KIRREL3: variants seen among roughly 807,000 people sequenced by gnomAD.
The protein encoded by KIRREL3 is kin of IRRE-like protein 3.
KIRREL3 carries 36 observed loss-of-function variants against 89.7 expected under a neutral mutation model. The ratio of observed to expected loss-of-function variants is 0.40; its 90% CI spans 0.31 to 0.53. KIRREL3 has a LOEUF of 0.53. Ranked by LOEUF, KIRREL3 falls within the 20% of genes least tolerant of loss-of-function variation. The probability of loss-of-function intolerance (pLI) is 0.49; values close to 1 mark genes in which losing one functional copy is unlikely to be tolerated. For missense variants in KIRREL3, 864 were observed against 1,056.6 expected, an observed-to-expected ratio of 0.82 and a Z score of 2.53; for synonymous variants, 445 against 441.4, an observed-to-expected ratio of 1.01 and a Z score of -0.10.
intron 1 of KIRREL3, among the ~76,000 whole-genome samples, chr11:126,980,672 T>A (rs1949696693): frequency 6.6e-6 from 1 of 152,148 alleles, no homozygotes; most frequent in Non-Finnish European, 1.5e-5. Flanking sequence ...ACAAGAGAAC[T>A]AATTGGTTAT....
At chr11:126,894,870 G>T (rs1946087282) in intron 1 of KIRREL3, among the ~76,000 whole-genome samples, 1 of 152,182 alleles carries the variant, frequency 6.6e-6, no homozygotes, top group Admixed American at 6.5e-5. Context: ...TGATACTTCT[G>T]CTGAGCTCTG....
chr11:126,947,568 CTGAGT>C (rs1242240149), intron 1 of KIRREL3, among the ~76,000 whole-genome samples: 6 of 152,178 alleles, frequency 3.9e-5, no homozygotes, highest in Non-Finnish European at 7.3e-5. Flanking sequence ...CGAATAGTAA[CTGAGT>C]TGAGTTTTAT....
At chr11:126,446,251 CTT>C (rs1459774877) in intron 9 of KIRREL3, among the ~76,000 whole-genome samples, 1 of 127,028 alleles carries the variant, frequency 7.9e-6, no homozygotes, top group Admixed American at 8.9e-5. Flanking sequence ...CTTTCTTTCT[CTT>C]TCTTTTCTTT....
chr11:126,663,463 T>C (rs1246343188), intron 1 of KIRREL3, among the ~76,000 whole-genome samples: 1 of 152,148 alleles, frequency 6.6e-6, no homozygotes, highest in African/African-American at 2.4e-5. Context: ...GGGATTACAA[T>C]GTCTGGCTTT....
chr11:126,447,556 C>G (rs1955867447), intron 8 of KIRREL3, among the ~76,000 whole-genome samples: 1 of 152,214 alleles, frequency 6.6e-6, no homozygotes, highest in Admixed American at 6.5e-5. Context: ...AGTGGAGCAG[C>G]CCTGGGTTCC....
chr11:126,690,376 T>TTC (rs1555176302), intron 1 of KIRREL3, among the ~76,000 whole-genome samples: 1 of 151,636 alleles, frequency 6.6e-6, no homozygotes, highest in Non-Finnish European at 1.5e-5. Context: ...TTTTTTTTTT[T>TTC]CCCATTAGTT....
Position 126,811,476 on chromosome 11 carries a change from A to G in KIRREL3, c.55+188979T>C, listed in dbSNP as rs951424214. Among the ~76,000 whole-genome samples the G allele has an allele frequency of 6.6e-6, 1 of 152,240 alleles. No homozygotes were observed. The highest frequency in any genetic ancestry group is 1.9e-4 in the East Asian group (1 of 5,192). On this transcript the variant is annotated intron_variant, in intron 1 of 16. Coordinates refer to ENST00000525144, the MANE Select transcript of KIRREL3 (RefSeq NM_032531.4). This position sits in a 1 kb window ranked among gnomAD's most constrained non-coding sequence, Gnocchi z 4.3. Reference sequence around the variant, plus strand: ...AGAGTATTCTCATAGCTGTTGACAAACTGGACAGATACATGAGTAATGAAT... The same window carrying G: ...AGAGTATTCTCATAGCTGTTGACAAGCTGGACAGATACATGAGTAATGAAT...
At position 126,762,587 on chromosome 11, in the gene KIRREL3, G is replaced by A. The variant is rs547996890; in HGVS notation, c.56-199675C>T. Among the ~76,000 whole-genome samples, 17 of 152,240 alleles carry A rather than the reference G, an allele frequency of 1.1e-4. No homozygotes were observed. The South Asian group carries it at 2.7e-3, about 24-fold the overall frequency. On this transcript the variant is annotated intron_variant, in intron 1 of 16. Transcript: ENST00000525144. ...TTTCCCATCTGTTTCTCACCTCCCC[G>A]TTGACCAGAATCTGGTCACAGCAGT...
rs1326639617 is a variant in KIRREL3, at chr11:126,872,175, A to C, written c.55+128280T>G. Among the ~76,000 whole-genome samples the C allele has an allele frequency of 6.6e-6, 1 of 152,238 alleles. No individual in the cohort carries two copies. Among genetic ancestry groups the C allele is most frequent in the Non-Finnish European group, 1.5e-5 (1 of 68,042 alleles). On this transcript the variant is annotated intron_variant, in intron 1 of 16. Transcript: ENST00000525144. The surrounding 1 kb of genome is among the most constrained non-coding windows in gnomAD (Gnocchi z 4.2). ...TGACCTCTAGTTGTCCTTACTGCTCATTAACATAAAAAGATACTTCTAGTA... is the reference window on the plus strand; with the variant it reads ...TGACCTCTAGTTGTCCTTACTGCTCCTTAACATAAAAAGATACTTCTAGTA...
rs558068112 is a variant in KIRREL3, at chr11:126,953,742, C to G, written c.55+46713G>C. On this transcript the variant is annotated intron_variant, in intron 1 of 16. Transcript: ENST00000525144. The surrounding 1 kb of genome is among the most constrained non-coding windows in gnomAD (Gnocchi z 5.2). ...AATTCTGACACATTTAAACCACAGA[C>G]TAGCAGGAAAGAGTTTTCATGATTT... Among the ~76,000 whole-genome samples, 1 of 152,276 alleles carries G rather than the reference C, an allele frequency of 6.6e-6. No homozygotes were observed. Among genetic ancestry groups the G allele is most frequent in the South Asian group, 2.1e-4 (1 of 4,820 alleles).
intron 1 of KIRREL3, among the ~76,000 whole-genome samples, chr11:126,832,334 T>G (rs1943636515): frequency 6.6e-6 from 1 of 152,222 alleles, no homozygotes; most frequent in South Asian, 2.1e-4. Context: ...TCGCTCACAA[T>G]GATTACACGC....
rs146033364 is a variant in KIRREL3, at chr11:126,538,289, T to C, written c.134-11602A>G. ...ATTGGAGAAGGCTTAAGAATACTTA[T>C]ACTGGGGTTATTTATTGCCGGCTTT... On this transcript the variant is annotated intron_variant, in intron 2 of 16. Coordinates refer to ENST00000525144, the MANE Select transcript of KIRREL3 (RefSeq NM_032531.4). Among the ~76,000 whole-genome samples the C allele has an allele frequency of 2.8e-4, 42 of 152,348 alleles. 1 individual carries two copies. In the East Asian group the frequency reaches 7.7e-3, roughly 28 times the overall value.
Position 126,705,934 on chromosome 11 carries a change from C to T in KIRREL3, c.56-143022G>A, listed in dbSNP as rs1438230362. 6.6e-6 allele frequency among the ~76,000 whole-genome samples: 1 copy of T among 152,152 alleles called. No individual in the cohort carries two copies. The highest frequency in any genetic ancestry group is 1.5e-5 in the Non-Finnish European group (1 of 68,034). On this transcript the variant is annotated intron_variant, in intron 1 of 16. Coordinates refer to ENST00000525144, the MANE Select transcript of KIRREL3 (RefSeq NM_032531.4). This position sits in a 1 kb window ranked among gnomAD's most constrained non-coding sequence, Gnocchi z 4.3. ...TAGAATGCTCCTTTTCAGAATCTGG[C>T]CCCTGTGCTGTGAGAAGCCTACCCC...
chr11:126,500,373 G>A (rs1957816526), intron 4 of KIRREL3, among the ~76,000 whole-genome samples: 1 of 152,226 alleles, frequency 6.6e-6, no homozygotes, highest in Non-Finnish European at 1.5e-5. Context: ...AGGGCAGCCT[G>A]GAGAGTCCAG....
At chr11:126,512,728 C>T (rs1159321770) in intron 4 of KIRREL3, among the ~76,000 whole-genome samples, 1 of 152,162 alleles carries the variant, frequency 6.6e-6, no homozygotes, top group Non-Finnish European at 1.5e-5. Context: ...CTCAGCATCT[C>T]CCAGGGTCAC....
chr11:126,993,256 AC>A lies in KIRREL3; in HGVS notation c.55+7198del, dbSNP rs1478926804. On this transcript the variant is annotated intron_variant, in intron 1 of 16. Coordinates refer to ENST00000525144, the MANE Select transcript of KIRREL3 (RefSeq NM_032531.4). The surrounding 1 kb of genome is among the most constrained non-coding windows in gnomAD (Gnocchi z 6.1). ...CCATCCTCAAAAGATGTATAATGGC[AC>A]CCATGGCCATTCACGAGTTGACTCT... 2.0e-5 allele frequency among the ~76,000 whole-genome samples: 3 copies of A among 152,062 alleles called. No individual in the cohort carries two copies. Among genetic ancestry groups the A allele is most frequent in the Non-Finnish European group, 2.9e-5 (2 of 68,006 alleles).
intron 1 of KIRREL3, among the ~76,000 whole-genome samples, chr11:126,595,503 GC>G: frequency 6.6e-6 from 1 of 152,322 alleles, no homozygotes; most frequent in South Asian, 2.1e-4. Flanking sequence ...CTTGATTTGA[GC>G]CTCTTTAGTT....
chr11:126,850,837 G>A (rs1944315827), intron 1 of KIRREL3, among the ~76,000 whole-genome samples: 1 of 152,206 alleles, frequency 6.6e-6, no homozygotes, highest in Admixed American at 6.5e-5. Flanking sequence ...CTGCCTGGGA[G>A]AAACCTTCAA....
chr11:126,842,386 G>C (rs965848281), intron 1 of KIRREL3, among the ~76,000 whole-genome samples: 3 of 152,184 alleles, frequency 2.0e-5, no homozygotes, highest in South Asian at 4.2e-4. Flanking sequence ...AATCTCTCAG[G>C]GTTCTGTAAT....
Sources: gnomAD v4.1 joint callset for allele counts (sites outside exome capture counted in the v4.1 genomes callset) on GRCh38, gnomAD v4.1.1 for gene constraint, Gnocchi (gnomAD v3.1) non-coding constraint, MANE v1.5 for transcripts, NCBI Gene and HGNC (gene_info 2026-07-23, HGNC 2026-07-21) for gene names.